SHANK2: variants seen among roughly 807,000 people sequenced by gnomAD.
SHANK2 encodes the protein SH3 and multiple ankyrin repeat domains 2, also known as SH3 and multiple ankyrin repeat domains protein 2.
A neutral mutation model predicts 133.7 loss-of-function variants in SHANK2; 43 were observed. The ratio of observed to expected loss-of-function variants is 0.32; its 90% CI spans 0.25 to 0.41. The LOEUF is 0.41. Ranked by LOEUF, SHANK2 falls within the 10% of genes least tolerant of loss-of-function variation. SHANK2 has a pLI of 1.00. For synonymous variants in SHANK2, 1,017 were observed against 952.8 expected (o/e 1.07, Z -1.24); for missense variants, 1,994 against 2,235.8 (o/e 0.89, Z 2.18).
intron 2 of SHANK2, among the ~76,000 whole-genome samples, chr11:71,215,097 C>T (rs1430970441): frequency 1.3e-5 from 2 of 152,230 alleles, no homozygotes; most frequent in African/African-American, 2.4e-5. Context: ...CACGCTCACA[C>T]CATCAGGCAG....
At chr11:70,682,955 A>C (rs2134395113) in intron 15 of SHANK2, among the ~76,000 whole-genome samples, 1 of 151,946 alleles carries the variant, frequency 6.6e-6, no homozygotes, top group South Asian at 2.1e-4. Context: ...TTAGGTGACA[A>C]GTCTAAGGCA....
chr11:70,649,338 T>A (rs2061311802), intron 17 of SHANK2, among the ~76,000 whole-genome samples: 2 of 152,112 alleles, frequency 1.3e-5, no homozygotes, highest in Admixed American at 1.3e-4. Context: ...TGGTGGGTGG[T>A]TGATTTCATG....
intron 17 of SHANK2, among the ~76,000 whole-genome samples, chr11:70,605,366 C>T (rs1261387487): frequency 2.6e-5 from 4 of 152,172 alleles, no homozygotes; most frequent in Admixed American, 1.3e-4. Context: ...CGGGTGAGCC[C>T]GCGACAGGCG....
intron 17 of SHANK2, chr11:70,631,951 T>C (rs1156797674): frequency 6.6e-6 from 1 of 152,250 alleles, no homozygotes; most frequent in African/African-American, 2.4e-5. Context: ...ATCAAATATA[T>C]TACATTTCTT....
At chr11:70,560,945 A>T (rs1554980741) in intron 17 of SHANK2, among the ~76,000 whole-genome samples, 2 of 152,116 alleles carry the variant, frequency 1.3e-5, no homozygotes, top group Non-Finnish European at 2.9e-5. Context: ...ATAAAGATAC[A>T]GTAATCAAGA....
intron 11 of SHANK2, among the ~76,000 whole-genome samples, chr11:70,841,961 G>C (rs188880719): frequency 4.9e-4 from 74 of 152,232 alleles, no homozygotes; most frequent in Admixed American, 1.8e-3. Flanking sequence ...CACGGTCCTT[G>C]TGCTGTCACT....
intron 17 of SHANK2, among the ~76,000 whole-genome samples, chr11:70,651,457 C>G (rs1446149626): frequency 6.6e-6 from 1 of 152,184 alleles, no homozygotes; most frequent in South Asian, 2.1e-4. Context: ...GATCCAACCT[C>G]CCCGCCATCC....
chr11:71,226,566 T>C (rs1954647899), intron 1 of SHANK2: 1 of 152,212 alleles, frequency 6.6e-6, no homozygotes, highest in African/African-American at 2.4e-5. Flanking sequence ...AATACTTACA[T>C]TTCTCATCAG....
chr11:70,899,639 T>C (rs1949995664), intron 10 of SHANK2, among the ~76,000 whole-genome samples: 1 of 152,168 alleles, frequency 6.6e-6, no homozygotes, highest in Admixed American at 6.5e-5. Flanking sequence ...ATAGCCCACC[T>C]CCAACTCAGC....
chr11:70,948,730 C>A (rs780139641), intron 10 of SHANK2, among the ~76,000 whole-genome samples: 3 of 152,216 alleles, frequency 2.0e-5, no homozygotes, highest in Non-Finnish European at 4.4e-5. Context: ...AGGGGCCACG[C>A]TCCCAACCCC....
intron 21 of SHANK2, among the ~76,000 whole-genome samples, chr11:70,493,373 TAAA>T (rs71049919): frequency 8.1e-6 from 1 of 123,426 alleles, no homozygotes; most frequent in Non-Finnish European, 1.7e-5. Context: ...CCATTTCCTT[TAAA>T]AAAAAAAAAA....
intron 17 of SHANK2, among the ~76,000 whole-genome samples, chr11:70,558,060 G>A (rs1216791083): frequency 3.9e-5 from 6 of 152,254 alleles, no homozygotes; most frequent in East Asian, 1.9e-4. Flanking sequence ...AGGCGAGACC[G>A]TGAGGGGGCC....
chr11:70,523,226 G>A (rs1387963799), intron 17 of SHANK2, among the ~76,000 whole-genome samples: 1 of 152,234 alleles, frequency 6.6e-6, no homozygotes, highest in East Asian at 1.9e-4. Context: ...GCACCAGGAG[G>A]AGGCTGGCCT....
chr11:70,871,250 A>T (rs1181591516), intron 11 of SHANK2, among the ~76,000 whole-genome samples: 1 of 152,198 alleles, frequency 6.6e-6, no homozygotes, highest in Admixed American at 6.5e-5. Context: ...TTCAAAGGGG[A>T]GTCAGGGGTC....
At chr11:70,594,991 C>T (rs974045892) in intron 17 of SHANK2, among the ~76,000 whole-genome samples, 3 of 152,170 alleles carry the variant, frequency 2.0e-5, no homozygotes, top group African/African-American at 4.8e-5. Flanking sequence ...GGCCGGGAGC[C>T]GGGAGCCGGG....
chr11:70,734,083 G>T (rs1946346429), intron 14 of SHANK2, among the ~76,000 whole-genome samples: 2 of 152,270 alleles, frequency 1.3e-5, no homozygotes, highest in Admixed American at 6.5e-5. Flanking sequence ...GTCCCTGGCA[G>T]CAGGGAGGGG....
rs527699189 is a variant in SHANK2, at chr11:70,808,832, C to T, written c.1494-1661G>A. ...GACACTTCATCCACCTCACTGTGAG[C>T]GTCAGTCACACTGGACGAGGAAGCA... On this transcript the variant is annotated intron_variant, in intron 12 of 25. Coordinates refer to ENST00000601538, the MANE Select transcript of SHANK2 (RefSeq NM_012309.5). Among the ~76,000 whole-genome samples the T allele has an allele frequency of 1.8e-3, 268 of 152,252 alleles. 4 individuals are homozygous for T. The highest frequency in any genetic ancestry group is 0.011 in the South Asian group (53 of 4,816).
intron 10 of SHANK2, among the ~76,000 whole-genome samples, chr11:70,929,368 T>C (rs1438305699): frequency 2.0e-5 from 3 of 152,258 alleles, no homozygotes; most frequent in Non-Finnish European, 4.4e-5. Context: ...GTCAGTTCCC[T>C]GTTGCTGCTG....
intron 6 of SHANK2, among the ~76,000 whole-genome samples, chr11:71,096,523 T>C (rs1555095450): frequency 6.6e-6 from 1 of 152,172 alleles, no homozygotes; most frequent in Non-Finnish European, 1.5e-5. Flanking sequence ...TCCGAGGGCA[T>C]CTGGGGAGTT....
Sources: allele counts gnomAD v4.1 joint callset (sites outside exome capture counted in the v4.1 genomes callset), GRCh38; gene constraint gnomAD v4.1.1; transcripts MANE v1.5; gene names NCBI Gene and HGNC (gene_info 2026-07-23, HGNC 2026-07-21).